Variants in SEMA6B observed in about 807,000 individuals in gnomAD.
SEMA6B encodes the protein semaphorin 6B, also known as semaphorin-6B.
SEMA6B carries 47 observed loss-of-function variants against 78.6 expected under a neutral mutation model. The ratio of observed to expected loss-of-function variants is 0.60; its 90% CI spans 0.47 to 0.76. The LOEUF (loss-of-function observed/expected upper bound fraction) is 0.76, where lower values mean the gene tolerates loss of function less well. Among genes scored for constraint, SEMA6B ranks in the 30% least tolerant of loss-of-function variants. SEMA6B has a pLI of 0.00. For synonymous variants in SEMA6B, 632 were observed against 592.2 expected, an observed-to-expected ratio of 1.07 and a Z score of -0.98; for missense variants, 1,213 against 1,269.9, an observed-to-expected ratio of 0.96 and a Z score of 0.68.
In SEMA6B at chr19:4,557,220, G is replaced by A. The variant is rs1183671901; in HGVS notation, c.249C>T (p.Asp83=). 1 of 1,578,008 alleles carries A rather than the reference G, an allele frequency of 6.3e-7. No homozygotes were observed. The change falls in exon 4 of 17, where the codon GAC becomes GAT. Residue 83 remains aspartate (D), a synonymous_variant. Transcript: ENST00000586582. ...VNRTLFIGDR[D]NLYRVELEPP... is the part of the protein sequence containing the mutation. Reference sequence around the variant, plus strand: ...GCTCCAGCTCTACGCGGTAGAGGTTGTCCCTGGGGGAGGGGCATAGTTAGT... The same window carrying A: ...GCTCCAGCTCTACGCGGTAGAGGTTATCCCTGGGGGAGGGGCATAGTTAGT...
In SEMA6B at chr19:4,544,949, T is replaced by A. The variant is rs961267686; in HGVS notation, c.1739-420A>T. ...GACTGGCCTTATTTTTATTATTTTT[T>A]AATTTTTTTTGTTTGTTTGTTTTGA... On this transcript the variant is annotated intron_variant, in intron 16 of 16. Transcript: ENST00000586582. This position sits in a 1 kb window ranked among gnomAD's most constrained non-coding sequence, Gnocchi z 5.1. Among the ~76,000 whole-genome samples the A allele has an allele frequency of 5.3e-5, 8 of 152,010 alleles. No individual in the cohort carries two copies. The highest frequency in any genetic ancestry group is 1.9e-4 in the African/African-American group (8 of 41,406).
Position 4,543,981 on chromosome 19 carries a change from G to T in SEMA6B, c.2287C>A (p.Pro763Thr). ...LAPARAPEQPPAPGEPTPDGR... is the reference protein window; with the variant it reads ...LAPARAPEQPTAPGEPTPDGR... ...TCGGGGGTCGGCTCCCCAGGCGCGG[G>T]GGGCTGCTCGGGGGCCCGGGCGGGC... is the stretch of plus-strand genomic sequence containing the variant. Residue 763 changes from proline to threonine, a missense_variant, in exon 17 of 17, where the codon CCC (proline) becomes ACC (threonine). Pro to Thr is a conservative substitution (Grantham distance 38). Transcript: ENST00000586582. 1 of 1,204,950 alleles carries T rather than the reference G, an allele frequency of 8.3e-7. No homozygotes were observed. Among genetic ancestry groups the T allele is most frequent in the Non-Finnish European group, 1.0e-6 (1 of 970,832 alleles). 74.6% of individuals were successfully genotyped at this position (1,204,950 alleles called of 1,614,324 possible).
intron 9 of SEMA6B, 94 bp downstream of exon 9, chr19:4,554,294 C>G: frequency 2.0e-6 from 2 of 1,003,480 alleles, no homozygotes; most frequent in South Asian, 1.4e-5. Flanking sequence ...GCAGGACCCT[C>G]TCACCCCATG....
At position 4,554,451 on chromosome 19, in the gene SEMA6B, C is replaced by A; in HGVS notation, c.708G>T (p.Glu236Asp). ...AGAAGAAGTAGACATGGCTGCCCCA[C>A]TCCACCGCATGGACAAAGTAAGGCT... is the stretch of plus-strand genomic sequence containing the variant. ...FKEPYFVHAV[E>D]WGSHVYFFFR... The change falls in exon 9 of 17, where the codon GAG becomes GAT. Residue 236 changes from glutamate (E) to aspartate (D), a missense_variant. Coordinates refer to ENST00000586582, the MANE Select transcript of SEMA6B (RefSeq NM_032108.4). 6.2e-7 allele frequency: 1 copy of A among 1,613,990 alleles called. No individual in the cohort carries two copies. The highest frequency in any genetic ancestry group is 8.5e-7 in the Non-Finnish European group (1 of 1,180,002).
rs74540891 is a variant in SEMA6B, at chr19:4,551,132, C to T, written c.990-202G>A. On this transcript the variant is annotated intron_variant, in intron 10 of 16. Transcript: ENST00000586582. ...AGATTGGGCCACAGTTCAGGGTCTA[C>T]GAGGCCACCCCTGTCCAGGCCCCCA... Among the ~76,000 whole-genome samples, 148 of 151,992 alleles carry T rather than the reference C, an allele frequency of 9.7e-4. 2 individuals are homozygous for T. The East Asian group carries it at 0.028, about 29-fold the overall frequency.
At position 4,555,046 on chromosome 19, in the gene SEMA6B, A is replaced by G; in HGVS notation, c.612T>C (p.Ala204=). Residue 204 remains alanine, a synonymous_variant, in exon 8 of 17, where the codon GCT becomes GCC. Transcript: ENST00000586582. The surrounding 1 kb of genome is among the most constrained non-coding windows in gnomAD (Gnocchi z 6.1). ...TGTCCCCGAGGCTGCGGTAGATGAC[A>G]GCATCAATGGCTAGGAAGTCGGTAA... is the stretch of plus-strand genomic sequence containing the variant. ...ATVTDFLAID[A]VIYRSLGDRP... 1 of 1,614,074 alleles carries G rather than the reference A, an allele frequency of 6.2e-7. No homozygotes were observed. The highest frequency in any genetic ancestry group is 1.3e-5 in the African/African-American group (1 of 75,054).
chr19:4,552,679 G>A lies in SEMA6B; in HGVS notation c.772-40C>T. 1 of 1,544,544 alleles carries A rather than the reference G, an allele frequency of 6.5e-7. No individual in the cohort carries two copies. On this transcript the variant is annotated intron_variant, in intron 9 of 16. Coordinates refer to ENST00000586582, the MANE Select transcript of SEMA6B (RefSeq NM_032108.4). This position sits in a 1 kb window ranked among gnomAD's most constrained non-coding sequence, Gnocchi z 7.4. ...GGACGGACGGGGGCCTGAGCTCTGT[G>A]TCCCAGGAAGGCCTGTTCACAGGCT...
chr19:4,544,007 G>A lies in SEMA6B; in HGVS notation c.2261C>T (p.Ala754Val). ...ASASSSLLLL[A>V]PARAPEQPPA... is the part of the protein sequence containing the mutation. ...GGGCTGCTCGGGGGCCCGGGCGGGC[G>A]CCAGCAGCAGGAGGGAGGATGAAGC... Residue 754 changes from alanine to valine, a missense_variant, in exon 17 of 17, where the codon GCG (alanine) becomes GTG (valine). Physicochemically the swap from Ala to Val is moderately conservative, Grantham distance 64 (BLOSUM62 0). Coordinates refer to ENST00000586582, the MANE Select transcript of SEMA6B (RefSeq NM_032108.4). The surrounding 1 kb of genome is among the most constrained non-coding windows in gnomAD (Gnocchi z 5.1). The A allele has an allele frequency of 5.0e-6, 6 of 1,209,962 alleles. No homozygotes were observed. The highest frequency in any genetic ancestry group is 6.2e-6 in the Non-Finnish European group (6 of 974,384). 75.0% of individuals were successfully genotyped at this position (1,209,962 alleles called of 1,614,324 possible). A position where few individuals can be genotyped will look rare whatever the true frequency, so the allele number is the denominator to read the frequency against.
rs1311453605 is a variant in SEMA6B at position 4,544,910 on chromosome 19, G to T, written c.1739-381C>A. Among the ~76,000 whole-genome samples the T allele has an allele frequency of 6.7e-6, 1 of 149,800 alleles. No homozygotes were observed. Among genetic ancestry groups the T allele is most frequent in the Non-Finnish European group, 1.5e-5 (1 of 66,688 alleles). ...GCCTCCCAAAGTGCTGGGATTACAG[G>T]CATAAGCCACCACGACTGGCCTTAT... On this transcript the variant is annotated intron_variant, in intron 16 of 16. Coordinates refer to ENST00000586582, the MANE Select transcript of SEMA6B (RefSeq NM_032108.4). The surrounding 1 kb of genome is among the most constrained non-coding windows in gnomAD (Gnocchi z 5.1).
intron 10 of SEMA6B, among the ~76,000 whole-genome samples, chr19:4,551,226 T>TC (rs1977324417): frequency 6.6e-6 from 1 of 151,170 alleles, no homozygotes; most frequent in African/African-American, 2.4e-5. Flanking sequence ...CAGGCTTTTT[T>TC]TTTTTTTTTT....
rs1274201726 is a variant in SEMA6B, at chr19:4,550,123, C to T, written c.1271G>A (p.Arg424Lys). 4.3e-6 allele frequency: 7 copies of T among 1,613,672 alleles called. No homozygotes were observed. The highest frequency in any genetic ancestry group is 5.9e-6 in the Non-Finnish European group (7 of 1,179,962). Residue 424 changes from arginine to lysine, a missense_variant and splice_region_variant, in exon 12 of 17, where the codon AGG becomes AAG. Physicochemically the swap from Arg to Lys is conservative, Grantham distance 26. Coordinates refer to ENST00000586582, the MANE Select transcript of SEMA6B (RefSeq NM_032108.4). This position sits in a 1 kb window ranked among gnomAD's most constrained non-coding sequence, Gnocchi z 6.6. ...HAPWILRTLM[R>K]HQLTRVAVDV... ...CATGCCCTGCCTCTCCAGGACCGAC[C>T]TCATCAGGGTCCGCAGGATCCAGGG...
Position 4,544,368 on chromosome 19 carries a change from T to C in SEMA6B, c.1900A>G (p.Lys634Glu). The C allele has an allele frequency of 1.3e-6, 2 of 1,579,464 alleles. No homozygotes were observed. Among genetic ancestry groups the C allele is most frequent in the African/African-American group, 1.4e-5 (1 of 71,962 alleles). Residue 634 changes from lysine to glutamate, a missense_variant, in exon 17 of 17, where the codon AAG becomes GAG. Physicochemically the swap from Lys to Glu is moderately conservative, Grantham distance 56. Transcript: ENST00000586582. The surrounding 1 kb of genome is among the most constrained non-coding windows in gnomAD (Gnocchi z 5.1). ...LRERRELARR[K>E]DKEAILAHGA... Reference sequence around the variant, plus strand: ...TGCGCCAGGATGGCCTCCTTGTCCTTGCGCCGGGCCAGCTCCCGCCGCTCA... The same window carrying C: ...TGCGCCAGGATGGCCTCCTTGTCCTCGCGCCGGGCCAGCTCCCGCCGCTCA...
At position 4,544,056 on chromosome 19, in the gene SEMA6B, C is replaced by A. The variant is rs1977096516; in HGVS notation, c.2212G>T (p.Gly738Cys). ...HALGPRAWDH[G>C]HPLLPASASS... ...GCGGAGGCCGGGAGCAGGGGGTGGC[C>A]GTGGTCCCAGGCGCGGGGGCCCAGG... The change falls in exon 17 of 17, where the codon GGC becomes TGC. Residue 738 changes from glycine to cysteine, a missense_variant. Coordinates refer to ENST00000586582, the MANE Select transcript of SEMA6B (RefSeq NM_032108.4). This position sits in a 1 kb window ranked among gnomAD's most constrained non-coding sequence, Gnocchi z 5.1. 3 of 1,226,120 alleles carry A rather than the reference C, an allele frequency of 2.4e-6. No homozygotes were observed. The highest frequency in any genetic ancestry group is 3.0e-6 in the Non-Finnish European group (3 of 984,022). 76.0% of individuals were successfully genotyped at this position (1,226,120 alleles called of 1,614,324 possible).
chr19:4,548,278 G>T lies in SEMA6B; in HGVS notation c.1439C>A (p.Thr480Asn). 1 of 1,612,020 alleles carries T rather than the reference G, an allele frequency of 6.2e-7. No homozygotes were observed. The highest frequency in any genetic ancestry group is 8.5e-7 in the Non-Finnish European group (1 of 1,178,498). ...CCAGACTTACCTGTCCGGCCGGTAGGTCTCAAACTCCTCCAGGAAGACACT... is the reference window on the plus strand; with the variant it reads ...CCAGACTTACCTGTCCGGCCGGTAGTTCTCAAACTCCTCCAGGAAGACACT... ...GLSVFLEEFE[T>N]YRPDRCGRPG... Residue 480 changes from threonine (T) to asparagine (N), a missense_variant, in exon 13 of 17, where the codon ACC (threonine) becomes AAC (asparagine). Physicochemically the swap from Thr to Asn is moderately conservative, Grantham distance 65. Transcript: ENST00000586582.
intron 14 of SEMA6B, among the ~76,000 whole-genome samples, chr19:4,547,699 G>A (rs1388759205): frequency 6.6e-6 from 1 of 152,098 alleles, no homozygotes; most frequent in Non-Finnish European, 1.5e-5. Context: ...AACCCTACAT[G>A]GCTCCCATCT....
intron 8 of SEMA6B, among the ~76,000 whole-genome samples, 193 bp downstream of exon 8, chr19:4,554,783 C>T (rs1285529977): frequency 1.3e-5 from 2 of 152,180 alleles, no homozygotes; most frequent in African/African-American, 4.8e-5. Flanking sequence ...CCACTTCCAG[C>T]GGGTTCTACT....
In SEMA6B at chr19:4,548,111, G is replaced by A; in HGVS notation, c.1517C>T (p.Ala506Val). Residue 506 changes from alanine to valine, a missense_variant, in exon 14 of 17, where the codon GCT becomes GTT. Coordinates refer to ENST00000586582, the MANE Select transcript of SEMA6B (RefSeq NM_032108.4). The stretch of plus-strand genomic sequence containing the variant: ...GAAGGCAGCCAGCAGGCCCCCCGAA[G>A]CTGCGTCCAGCTCCAAGCTCAGCAG... ...QRLLSLELDAASGGLLAAFPR... is the reference protein window; with the variant it reads ...QRLLSLELDAVSGGLLAAFPR... 1 of 1,591,134 alleles carries A rather than the reference G, an allele frequency of 6.3e-7. No homozygotes were observed. Among genetic ancestry groups the A allele is most frequent in the South Asian group, 1.1e-5 (1 of 89,754 alleles).
In SEMA6B at chr19:4,546,245, G is replaced by A. The variant is rs1398662687; in HGVS notation, c.1709C>T (p.Ala570Val). ...GCAGTCCCCTAAGCCTGAGGTGCTG[G>A]CCCCGGACACGTCCTGCTCAAAGGC... ...RAAFEQDVSG[A>V]STSGLGDCTG... The change falls in exon 16 of 17, where the codon GCC becomes GTC. Residue 570 changes from alanine (A) to valine (V), a missense_variant. By Grantham distance (64) the Ala-to-Val change is moderately conservative. Transcript: ENST00000586582. 6.2e-7 allele frequency: 1 copy of A among 1,612,956 alleles called. No homozygotes were observed. The highest frequency in any genetic ancestry group is 2.2e-5 in the East Asian group (1 of 44,860).
chr19:4,558,162 G>A lies in SEMA6B; in HGVS notation c.122-13C>T. ...TAGTGGTTCAGGTCTGAGTGAGGGG[G>A]TGGAGAGGGGTGTGAGCAAGGGCTG... On this transcript the variant is annotated splice_polypyrimidine_tract_variant and intron_variant, in intron 2 of 16. Coordinates refer to ENST00000586582, the MANE Select transcript of SEMA6B (RefSeq NM_032108.4). This position sits in a 1 kb window ranked among gnomAD's most constrained non-coding sequence, Gnocchi z 5.1. 6.9e-7 allele frequency: 1 copy of A among 1,439,342 alleles called. No individual in the cohort carries two copies. Among genetic ancestry groups the A allele is most frequent in the East Asian group, 2.7e-5 (1 of 37,472 alleles). 89.2% of individuals were successfully genotyped at this position (1,439,342 alleles called of 1,614,324 possible).
Sources: gnomAD v4.1 joint callset for allele counts (sites outside exome capture counted in the v4.1 genomes callset) on GRCh38, gnomAD v4.1.1 for gene constraint, Gnocchi (gnomAD v3.1) non-coding constraint, MANE v1.5 for transcripts, NCBI Gene and HGNC (gene_info 2026-07-23, HGNC 2026-07-21) for gene names.